Variants in CCZ1 observed in about 807,000 individuals in gnomAD.
CCZ1 encodes vacuolar fusion protein CCZ1 homolog.
A neutral mutation model predicts 57.8 loss-of-function variants in CCZ1; 19 were observed. The ratio of observed to expected loss-of-function variants is 0.33; its 90% confidence interval spans 0.23 to 0.48. The LOEUF is 0.48. Among genes scored for constraint, CCZ1 ranks in the 20% least tolerant of loss-of-function variants. The pLI is 0.99. For missense variants in CCZ1, 200 were observed against 492.0 expected, an observed-to-expected ratio of 0.41 and a Z score of 5.61; for synonymous variants, 81 against 167.0, an observed-to-expected ratio of 0.49 and a Z score of 3.97.
intron 8 of CCZ1, among the ~76,000 whole-genome samples, chr7:5,911,320 C>G (rs1422008795): frequency 1.3e-5 from 2 of 148,940 alleles, no homozygotes; most frequent in African/African-American, 5.0e-5. Flanking sequence ...TTCCCTCCCT[C>G]TTGTCCTCCT....
chr7:5,901,791 A>G, intron 5 of CCZ1, 87 bp downstream of exon 5: 1 of 1,531,808 alleles, frequency 6.5e-7, no homozygotes, highest in Non-Finnish European at 8.8e-7. Flanking sequence ...AAATCTGTAA[A>G]TGACTGCAAA....
chr7:5,919,991 T>G, intron 12 of CCZ1, 25 bp downstream of exon 12: 1 of 1,556,824 alleles, frequency 6.4e-7, no homozygotes, highest in East Asian at 2.3e-5. Context: ...TTCGGTTCAC[T>G]TTCAGGCATT....
At chr7:5,909,697 C>CAAA (rs147891550) in intron 7 of CCZ1, among the ~76,000 whole-genome samples, 1 of 128,262 alleles carries the variant, frequency 7.8e-6, no homozygotes, top group East Asian at 2.7e-4. Flanking sequence ...GACCTTGTCT[C>CAAA]AAAAAAAAAA....
chr7:5,910,225 T>C, intron 8 of CCZ1, 109 bp downstream of exon 8: 3 of 982,340 alleles, frequency 3.1e-6, no homozygotes, highest in Non-Finnish European at 4.7e-6. Context: ...TGATGTATGT[T>C]TTGTCTTACT....
At chr7:5,903,731 C>T (rs185692418) in intron 6 of CCZ1, among the ~76,000 whole-genome samples, 7 of 147,816 alleles carry the variant, frequency 4.7e-5, no homozygotes, top group African/African-American at 7.6e-5. Flanking sequence ...TGGTGGCTTA[C>T]GCCTGTGATC....
chr7:5,909,402 A>T (rs1220472924), intron 7 of CCZ1, among the ~76,000 whole-genome samples: 1 of 150,660 alleles, frequency 6.6e-6, no homozygotes, highest in Non-Finnish European at 1.5e-5. Flanking sequence ...TCATCTCTTG[A>T]AAAATGAAAA....
In CCZ1 at chr7:5,901,559, A is replaced by G. The variant is rs556172115; in HGVS notation, c.391-98A>G. ...TTGTGGGACAAAGTTTATAAACATTATACTGTTTGGCCAAGAGTTAGTGTA... is the reference window on the plus strand; with the variant it reads ...TTGTGGGACAAAGTTTATAAACATTGTACTGTTTGGCCAAGAGTTAGTGTA... On this transcript the variant is annotated intron_variant, in intron 4 of 14. Coordinates refer to ENST00000325974, the MANE Select transcript of CCZ1 (RefSeq NM_015622.6). 113 of 1,496,958 alleles carry G rather than the reference A, an allele frequency of 7.5e-5. 9 individuals are homozygous for G. The African/African-American group carries it at 1.4e-3, about 19-fold the overall frequency. The allele number at this position is 1,496,958 out of a possible 1,614,324, so 92.7% of individuals were successfully genotyped here.
In CCZ1 at chr7:5,912,888, C is replaced by G. The variant is rs578001031; in HGVS notation, c.888C>G (p.Cys296Trp). The G allele has an allele frequency of 6.2e-7, 1 of 1,602,072 alleles. No individual in the cohort carries two copies. The highest frequency in any genetic ancestry group is 1.4e-5 in the African/African-American group (1 of 73,028). Residue 296 changes from cysteine (C) to tryptophan (W), a missense_variant, in exon 10 of 15, where the codon TGC becomes TGG. Around this residue, in one of 5 missense-constraint regions of CCZ1, gnomAD observed 2 missense variants for 22.7 expected, o/e 0.09. Coordinates refer to ENST00000325974, the MANE Select transcript of CCZ1 (RefSeq NM_015622.6). Reference protein sequence around the residue: ...PLNLNDPDAKCRFPKIFVNTD... With the variant: ...PLNLNDPDAKWRFPKIFVNTD... ...ACCTCAATGATCCAGATGCAAAATGCAGATTCCCCAAAATTTTTGTAAATA... is the reference window on the plus strand; with the variant it reads ...ACCTCAATGATCCAGATGCAAAATGGAGATTCCCCAAAATTTTTGTAAATA...
Position 5,923,948 on chromosome 7 carries a change from T to C in CCZ1, c.1379T>C (p.Leu460Pro). The C allele has an allele frequency of 7.5e-7, 1 of 1,335,898 alleles. No individual in the cohort carries two copies. Among genetic ancestry groups the C allele is most frequent in the Non-Finnish European group, 1.0e-6 (1 of 955,198 alleles). The allele number at this position is 1,335,898 out of a possible 1,614,324, so 82.8% of individuals were successfully genotyped here. ...ATTTTGAATCAAAAAAATGCAAACC[T>C]GATTGAAGTAAATGGTAAGTAGGAT... ...YVILNQKNAN[L>P]IEVNEEVKKL... The change falls in exon 14 of 15, where the codon CTG becomes CCG. Residue 460 changes from leucine to proline, a missense_variant. Leu to Pro is a moderately conservative substitution (Grantham distance 98). Transcript: ENST00000325974.
intron 10 of CCZ1, among the ~76,000 whole-genome samples, chr7:5,913,168 G>GT (rs1779075611): frequency 6.8e-6 from 1 of 147,720 alleles, no homozygotes; most frequent in Non-Finnish European, 1.5e-5. Context: ...AAGAGGAACT[G>GT]TTTAAGATTG....
intron 3 of CCZ1, 117 bp from the exon 4 acceptor site, chr7:5,900,738 G>T: frequency 4.5e-6 from 7 of 1,552,942 alleles, no homozygotes; most frequent in Non-Finnish European, 6.1e-6. Context: ...CATTCTTGGG[G>T]CTGTTTTAAG....
chr7:5,901,810 G>C lies in CCZ1; in HGVS notation c.438+106G>C. 3 of 1,435,862 alleles carry C rather than the reference G, an allele frequency of 2.1e-6. 1 individual carries two copies. The highest frequency in any genetic ancestry group is 2.8e-6 in the Non-Finnish European group (3 of 1,073,128). The allele number at this position is 1,435,862 out of a possible 1,614,324, so 88.9% of individuals were successfully genotyped here. ...CTGTAAATGACTGCAAAGTGACTCT[G>C]TATTTGTCTTAGAGAAGAAAATAAT... On this transcript the variant is annotated intron_variant, in intron 5 of 14. Coordinates refer to ENST00000325974, the MANE Select transcript of CCZ1 (RefSeq NM_015622.6).
intron 7 of CCZ1, among the ~76,000 whole-genome samples, chr7:5,905,814 A>ATGTTCC (rs1318997649): frequency 2.9e-5 from 4 of 138,868 alleles, no homozygotes; most frequent in Non-Finnish European, 6.1e-5. Flanking sequence ...AAAAGAGAAA[A>ATGTTCC]TGTTCCTATC....
chr7:5,907,373 TCA>T (rs1781856156), intron 7 of CCZ1, among the ~76,000 whole-genome samples: 2 of 149,324 alleles, frequency 1.3e-5, no homozygotes, highest in African/African-American at 5.0e-5. Flanking sequence ...TGCTTGCAAG[TCA>T]CACGCAGCCA....
In CCZ1 at chr7:5,916,832, T is replaced by G. The variant is rs1404683746; in HGVS notation, c.955-2035T>G. Reference sequence around the variant, plus strand: ...TAGTTTTGTTTTCTTGTGATATCTTTGGGCAATGCTGGCTTGATAAAATGT... The same window carrying G: ...TAGTTTTGTTTTCTTGTGATATCTTGGGGCAATGCTGGCTTGATAAAATGT... On this transcript the variant is annotated intron_variant, in intron 10 of 14. Coordinates refer to ENST00000325974, the MANE Select transcript of CCZ1 (RefSeq NM_015622.6). Among the ~76,000 whole-genome samples, 5 of 124,700 alleles carry G rather than the reference T, an allele frequency of 4.0e-5. No homozygotes were observed. In the East Asian group the frequency reaches 1.2e-3, roughly 29 times the overall value. 81.8% of individuals were successfully genotyped at this position (124,700 alleles called of 152,430 possible).
At chr7:5,911,042 T>C (rs758565932) in intron 8 of CCZ1, among the ~76,000 whole-genome samples, 1 of 148,918 alleles carries the variant, frequency 6.7e-6, no homozygotes, top group Non-Finnish European at 1.5e-5. Flanking sequence ...GGCCAAAAAA[T>C]TGGATTTTAG....
chr7:5,908,379 G>A (rs1172111144), intron 7 of CCZ1, among the ~76,000 whole-genome samples: 6 of 116,666 alleles, frequency 5.1e-5, no homozygotes, highest in Non-Finnish European at 9.5e-5. Flanking sequence ...ATATTGCTTT[G>A]ATTTTTTTTT....
chr7:5,923,024 A>C (rs1779275029), intron 12 of CCZ1, among the ~76,000 whole-genome samples: 1 of 143,864 alleles, frequency 7.0e-6, no homozygotes, highest in Admixed American at 6.9e-5. Context: ...TTTGTTTAGA[A>C]AAAGAGGGCC....
At chr7:5,907,424 G>A (rs1403538043) in intron 7 of CCZ1, among the ~76,000 whole-genome samples, 1 of 149,162 alleles carries the variant, frequency 6.7e-6, no homozygotes, top group Admixed American at 6.6e-5. Flanking sequence ...CCAGAATCCA[G>A]CAGTAGTGGC....
Sources: allele counts gnomAD v4.1 joint callset (sites outside exome capture counted in the v4.1 genomes callset), GRCh38; gene constraint gnomAD v4.1.1; regional missense constraint gnomAD v4.1.1; transcripts MANE v1.5; gene names NCBI Gene and HGNC (gene_info 2026-07-23, HGNC 2026-07-21).